The following CYP2C8 variants were observed in gnomAD, a reference collection of about 807,000 sequenced individuals.
CYP2C8 encodes the protein cytochrome P450 2C8.
In CYP2C8, 51 loss-of-function variants were observed where a neutral mutation model predicts 41.3. That is an observed-to-expected ratio of 1.24 (90% CI 0.99 to 1.56). The LOEUF (loss-of-function observed/expected upper bound fraction) is 1.56, where lower values mean the gene tolerates loss of function less well. CYP2C8 is among the 40% of genes most tolerant of loss of function. The pLI is 0.00. For synonymous variants in CYP2C8, 218 were observed against 205.8 expected (o/e 1.06, Z -0.51); for missense variants, 651 against 579.9 (o/e 1.12, Z -1.26).
chr10:95,061,366 T>C (rs1436444312), intron 4 of CYP2C8, among the ~76,000 whole-genome samples: 1 of 152,208 alleles, frequency 6.6e-6, no homozygotes, highest in East Asian at 1.9e-4. Context: ...TGGTTTAGTC[T>C]TGGGAGGGTG....
intron 4 of CYP2C8, among the ~76,000 whole-genome samples, chr10:95,060,333 T>C (rs1412481086): frequency 6.6e-6 from 1 of 152,218 alleles, no homozygotes; most frequent in South Asian, 2.1e-4. Context: ...CAGTTGTTTG[T>C]AGTTCTCCTT....
At chr10:95,037,614 C>T (rs1589434952) in intron 8 of CYP2C8, among the ~76,000 whole-genome samples, 1 of 152,124 alleles carries the variant, frequency 6.6e-6, no homozygotes, top group East Asian at 1.9e-4. Context: ...TTATTTATTC[C>T]CACATTAAAA....
intron 5 of CYP2C8, among the ~76,000 whole-genome samples, chr10:95,054,371 T>C (rs759443676): frequency 2.6e-5 from 4 of 151,940 alleles, no homozygotes; most frequent in Non-Finnish European, 4.4e-5. Context: ...CTTTTCCTGA[T>C]AAAATCACTC....
intron 1 of CYP2C8, chr10:95,068,772 C>A: frequency 1.9e-6 from 1 of 515,206 alleles, no homozygotes; most frequent in South Asian, 1.7e-5. Flanking sequence ...CTTAGAAAGA[C>A]AAAAGAGGCC....
chr10:95,057,513 A>G (rs531656030), intron 5 of CYP2C8, among the ~76,000 whole-genome samples: 46 of 152,302 alleles, frequency 3.0e-4, no homozygotes, highest in Non-Finnish European at 5.6e-4. Context: ...ATAGTCTTGA[A>G]AAAAGCTTTG....
intron 5 of CYP2C8, among the ~76,000 whole-genome samples, chr10:95,052,966 AG>A (rs1347688180): frequency 6.6e-6 from 1 of 152,130 alleles, no homozygotes; most frequent in Non-Finnish European, 1.5e-5. Context: ...AAAGATACAA[AG>A]GGGATCCCAA....
intron 3 of CYP2C8, among the ~76,000 whole-genome samples, chr10:95,065,248 G>T (rs1287840551): frequency 6.6e-6 from 1 of 152,144 alleles, no homozygotes; most frequent in African/African-American, 2.4e-5. Flanking sequence ...GAAGGAAAAA[G>T]AAGACTTTTT....
rs973228113 is a variant in CYP2C8 at position 95,069,169 on chromosome 10, G to A, written c.168+66C>T. ...TAGTGTGCTTCCAGGAATATATTTT[G>A]TCTAAAAATAGCAGTCAAATAACTT... On this transcript the variant is annotated intron_variant, in intron 1 of 8. Transcript: ENST00000371270. 9 of 1,543,428 alleles carry A rather than the reference G, an allele frequency of 5.8e-6. No homozygotes were observed. In the African/African-American group the frequency reaches 8.2e-5, roughly 14 times the overall value.
intron 5 of CYP2C8, among the ~76,000 whole-genome samples, chr10:95,057,900 C>G (rs994532125): frequency 6.6e-6 from 1 of 152,162 alleles, no homozygotes; most frequent in African/African-American, 2.4e-5. Context: ...TGAAACCTTT[C>G]TTCTGTTCCA....
chr10:95,044,945 C>T (rs1027556958), intron 6 of CYP2C8, among the ~76,000 whole-genome samples: 1 of 152,228 alleles, frequency 6.6e-6, no homozygotes, highest in Non-Finnish European at 1.5e-5. Flanking sequence ...GTCAGCCCTC[C>T]ATTGTCTCTC....
At position 95,038,938 on chromosome 10, in the gene CYP2C8, C is replaced by G. The variant is rs141209951; in HGVS notation, c.1250G>C (p.Gly417Ala). 6.2e-7 allele frequency: 1 copy of G among 1,613,896 alleles called. No homozygotes were observed. ...FDPGHFLDKN[G>A]NFKKSDYFMP... Reference sequence around the variant, plus strand: ...GAAGTAGTCACTTTTCTTAAAGTTGCCATTCTTATCTAGAAAGTGGCCAGG... The same window carrying G: ...GAAGTAGTCACTTTTCTTAAAGTTGGCATTCTTATCTAGAAAGTGGCCAGG... Residue 417 changes from glycine (G) to alanine (A), a missense_variant, in exon 8 of 9, where the codon GGC (glycine) becomes GCC (alanine). Transcript: ENST00000371270.
At chr10:95,043,572 T>C (rs954854190) in intron 6 of CYP2C8, among the ~76,000 whole-genome samples, 1 of 152,198 alleles carries the variant, frequency 6.6e-6, no homozygotes, top group Non-Finnish European at 1.5e-5. Flanking sequence ...TAGCAGTTTC[T>C]TCTGAAATTT....
intron 3 of CYP2C8, 143 bp from the exon 4 acceptor site, chr10:95,065,103 G>A (rs557371900): frequency 1.4e-6 from 1 of 695,892 alleles, no homozygotes; most frequent in African/African-American, 1.9e-5. Context: ...CAGCATGGAT[G>A]AAATAAACAC....
chr10:95,063,364 C>G (rs2860977), intron 4 of CYP2C8, among the ~76,000 whole-genome samples: 39,882 of 152,076 alleles, frequency 0.26, 5,449 homozygotes, highest in Non-Finnish European at 0.29. Flanking sequence ...CTCCAAACTT[C>G]TCTTCTCGCT....
chr10:95,059,828 T>G (rs2033387384), intron 4 of CYP2C8, among the ~76,000 whole-genome samples: 1 of 152,216 alleles, frequency 6.6e-6, no homozygotes. Context: ...GTATAAGGTG[T>G]AAGGAAGGGA....
At chr10:95,068,245 A>G (rs1299478511) in intron 1 of CYP2C8, among the ~76,000 whole-genome samples, 1 of 151,414 alleles carries the variant, frequency 6.6e-6, no homozygotes, top group Non-Finnish European at 1.5e-5. Flanking sequence ...TGCCCAGTCC[A>G]GTTTGTAACT....
intron 6 of CYP2C8, 58 bp from the exon 7 acceptor site, chr10:95,043,135 G>T: frequency 1.4e-6 from 2 of 1,465,548 alleles, no homozygotes; most frequent in Non-Finnish European, 1.9e-6. Flanking sequence ...ATTTGTCATA[G>T]CAATTCATGG....
chr10:95,048,085 C>A lies in CYP2C8; in HGVS notation c.820-2134G>T, dbSNP rs1235625843. On this transcript the variant is annotated intron_variant, in intron 5 of 8. Transcript: ENST00000371270. ...TACTAAGTCTCTCAGGGTTTCACCT[C>A]TGCCAGCTTCTTTTTACTTTATTTG... Among the ~76,000 whole-genome samples the A allele has an allele frequency of 2.2e-4, 34 of 152,110 alleles. 1 individual carries two copies. Among genetic ancestry groups the A allele is most frequent in the Non-Finnish European group, 2.1e-4 (14 of 67,984 alleles).
At chr10:95,044,496 G>A (rs2033069600) in intron 6 of CYP2C8, among the ~76,000 whole-genome samples, 1 of 152,140 alleles carries the variant, frequency 6.6e-6, no homozygotes, top group African/African-American at 2.4e-5. Context: ...AAATACGGAG[G>A]TCTTTTCTCC....
Sources: allele counts gnomAD v4.1 joint callset (sites outside exome capture counted in the v4.1 genomes callset), GRCh38; gene constraint gnomAD v4.1.1; transcripts MANE v1.5; gene names NCBI Gene and HGNC (gene_info 2026-07-23, HGNC 2026-07-21).